Variants in MED12L observed in about 807,000 individuals in gnomAD.
MED12L encodes the protein mediator of RNA polymerase II transcription subunit 12-like protein.
A neutral mutation model predicts 281.3 loss-of-function variants in MED12L; 60 were observed. The ratio of observed to expected loss-of-function variants is 0.21; its 90% CI spans 0.17 to 0.26. The LOEUF is 0.26. Ranked by LOEUF, MED12L falls within the 10% of genes least tolerant of loss-of-function variation. The pLI is 1.00. For missense variants in MED12L, 2,146 were observed against 2,680.9 expected, an observed-to-expected ratio of 0.80 and a Z score of 4.41; for synonymous variants, 974 against 987.2, an observed-to-expected ratio of 0.99 and a Z score of 0.25.
At chr3:151,375,553 T>A (rs1002942165) in intron 27 of MED12L, among the ~76,000 whole-genome samples, 4 of 152,146 alleles carry the variant, frequency 2.6e-5, no homozygotes, top group Non-Finnish European at 2.9e-5. Context: ...TACTACTCAT[T>A]TATAATGATA....
intron 16 of MED12L, chr3:151,294,052 C>T (rs1744700048): frequency 1.4e-6 from 1 of 710,006 alleles, no homozygotes; most frequent in Non-Finnish European, 2.5e-6. Flanking sequence ...ATTATGACCC[C>T]ATTTCATATC....
In MED12L at chr3:151,193,626, T is replaced by C; in HGVS notation, c.2210T>C (p.Leu737Pro). The change falls in exon 16 of 45, where the codon CTT (leucine) becomes CCT (proline). Residue 737 changes from leucine (L) to proline (P), a missense_variant. Leu to Pro is a moderately conservative substitution (Grantham distance 98). Around this residue, in one of 9 missense-constraint regions of MED12L, gnomAD observed 722 missense variants for 861.2 expected, o/e 0.84. Coordinates refer to ENST00000687756, the MANE Select transcript of MED12L (RefSeq NM_001393769.1). ...ELIFPSNYDL[L>P]RHLQYATHFP... is the part of the protein sequence containing the mutation. ...ATTTTTCCATCTAATTATGACCTCC[T>C]TCGCCACTTACAGTATGCAACACAT... is the stretch of plus-strand genomic sequence containing the variant. 1 of 1,614,136 alleles carries C rather than the reference T, an allele frequency of 6.2e-7. No individual in the cohort carries two copies. The highest frequency in any genetic ancestry group is 8.5e-7 in the Non-Finnish European group (1 of 1,179,982).
At chr3:151,379,014 A>G (rs1711724949) in intron 31 of MED12L, among the ~76,000 whole-genome samples, 2 of 152,256 alleles carry the variant, frequency 1.3e-5, no homozygotes, top group Non-Finnish European at 2.9e-5. Context: ...GCTCCAGGAC[A>G]CACAGTGAAG....
At chr3:151,298,062 T>G (rs1745342377) in intron 16 of MED12L, among the ~76,000 whole-genome samples, 2 of 152,214 alleles carry the variant, frequency 1.3e-5, no homozygotes, top group Non-Finnish European at 2.9e-5. Context: ...TCTGGAAGGC[T>G]CAAAACTTAA....
At chr3:151,224,505 C>T (rs1425004616) in intron 16 of MED12L, among the ~76,000 whole-genome samples, 2 of 150,400 alleles carry the variant, frequency 1.3e-5, no homozygotes, top group Non-Finnish European at 3.0e-5. Flanking sequence ...ATTTATGTGT[C>T]GTGTATTTAT....
Position 151,419,955 on chromosome 3 carries a change from A to C in MED12L, c.6408+3533A>C, listed in dbSNP as rs563338208. Among the ~76,000 whole-genome samples the C allele has an allele frequency of 6.6e-5, 10 of 152,290 alleles. No homozygotes were observed. The South Asian group carries it at 2.1e-3, about 32-fold the overall frequency. The stretch of plus-strand genomic sequence containing the variant: ...GACAGTTACAGTCCGCTTTTCTGCC[A>C]CTGTCACGTGGTCATAGCTGGTATT... On this transcript the variant is annotated intron_variant, in intron 43 of 44. Coordinates refer to ENST00000687756, the MANE Select transcript of MED12L (RefSeq NM_001393769.1).
chr3:151,295,052 C>G (rs769074939), intron 16 of MED12L: 9 of 1,613,210 alleles, frequency 5.6e-6, no homozygotes, highest in Non-Finnish European at 7.6e-6. Flanking sequence ...GAAGAAGATC[C>G]ACACTGCTAA....
At chr3:151,131,853 G>A (rs892356591) in intron 5 of MED12L, among the ~76,000 whole-genome samples, 1 of 151,610 alleles carries the variant, frequency 6.6e-6, no homozygotes. Flanking sequence ...GACTTTGGAG[G>A]GTTATTTTTC....
At chr3:151,238,516 T>G (rs1445841954) in intron 16 of MED12L, among the ~76,000 whole-genome samples, 1 of 152,238 alleles carries the variant, frequency 6.6e-6, no homozygotes, top group Non-Finnish European at 1.5e-5. Flanking sequence ...AGAGACACTA[T>G]GAAATCAAAT....
At chr3:151,258,371 G>T (rs966460073) in intron 16 of MED12L, among the ~76,000 whole-genome samples, 1 of 152,126 alleles carries the variant, frequency 6.6e-6, no homozygotes, top group African/African-American at 2.4e-5. Context: ...TGTGGTCATT[G>T]TGTATAAACC....
intron 16 of MED12L, among the ~76,000 whole-genome samples, chr3:151,260,888 ATTTATC>A (rs1449115134): frequency 6.6e-6 from 1 of 152,044 alleles, no homozygotes; most frequent in Non-Finnish European, 1.5e-5. Flanking sequence ...TAAAGTCAAC[ATTTATC>A]TTTATCTTGA....
At chr3:151,111,221 G>A (rs758984693) in intron 2 of MED12L, among the ~76,000 whole-genome samples, 2 of 152,168 alleles carry the variant, frequency 1.3e-5, no homozygotes, top group Admixed American at 1.3e-4. Context: ...ATCACTTTCT[G>A]GAACCAAAAA....
Position 151,430,370 on chromosome 3 carries a change from G to A in MED12L, c.6480G>A (p.Lys2160=), listed in dbSNP as rs1394076530. 3.7e-6 allele frequency: 6 copies of A among 1,613,994 alleles called. No individual in the cohort carries two copies. The highest frequency in any genetic ancestry group is 5.1e-6 in the Non-Finnish European group (6 of 1,179,990). ...QTAALVRQLQ[K]QLSSNQPQQG... ...CCGCCTTGGTGCGGCAGCTCCAGAAGCAGCTTTCCAGTAAGTACCCCTGTG... is the reference window on the plus strand; with the variant it reads ...CCGCCTTGGTGCGGCAGCTCCAGAAACAGCTTTCCAGTAAGTACCCCTGTG... Residue 2160 remains lysine (K), a synonymous_variant, in exon 44 of 45, where the codon AAG becomes AAA. Transcript: ENST00000687756.
At chr3:151,313,992 AATT>A (rs1452200869) in intron 16 of MED12L, among the ~76,000 whole-genome samples, 2 of 152,184 alleles carry the variant, frequency 1.3e-5, no homozygotes, top group African/African-American at 4.8e-5. Flanking sequence ...TGTATATGCT[AATT>A]ATTGTTGTTT....
chr3:151,184,621 A>G (rs1292988573), intron 11 of MED12L, among the ~76,000 whole-genome samples: 4 of 152,124 alleles, frequency 2.6e-5, no homozygotes, highest in African/African-American at 9.7e-5. Context: ...TGGGTCCCCA[A>G]CATCCTCTCA....
chr3:151,353,697 T>C (rs1012902827), intron 17 of MED12L, among the ~76,000 whole-genome samples: 2 of 152,236 alleles, frequency 1.3e-5, no homozygotes, highest in African/African-American at 4.8e-5. Context: ...ATTAGCAAAA[T>C]ATTTTTGAGT....
intron 26 of MED12L, among the ~76,000 whole-genome samples, chr3:151,370,341 G>A (rs1399925870): frequency 6.6e-6 from 1 of 152,138 alleles, no homozygotes; most frequent in Non-Finnish European, 1.5e-5. Flanking sequence ...CATTAGAACA[G>A]AAATTACTGA....
At chr3:151,110,813 A>AGG (rs1398042528) in intron 2 of MED12L, among the ~76,000 whole-genome samples, 1 of 152,094 alleles carries the variant, frequency 6.6e-6, no homozygotes, top group East Asian at 1.9e-4. Flanking sequence ...GAGAGAAGGA[A>AGG]GGGGGTATGG....
At chr3:151,276,320 C>A (rs1355640572) in intron 16 of MED12L, among the ~76,000 whole-genome samples, 1 of 152,198 alleles carries the variant, frequency 6.6e-6, no homozygotes, top group African/African-American at 2.4e-5. Flanking sequence ...ACTTTGAGAT[C>A]CACTGCTCTA....
Sources: gnomAD v4.1 joint callset for allele counts (sites outside exome capture counted in the v4.1 genomes callset) on GRCh38, gnomAD v4.1.1 for gene constraint, gnomAD v4.1.1 regional missense constraint, MANE v1.5 for transcripts, NCBI Gene and HGNC (gene_info 2026-07-23, HGNC 2026-07-21) for gene names.